Variants in PDE10A observed in about 807,000 individuals in gnomAD.
PDE10A encodes the protein phosphodiesterase 10A.
A neutral mutation model predicts 97.7 loss-of-function variants in PDE10A; 39 were observed. That is an observed-to-expected ratio of 0.40 (90% CI 0.31 to 0.52). The LOEUF (loss-of-function observed/expected upper bound fraction) is 0.52. Among genes scored for constraint, PDE10A ranks in the 20% least tolerant of loss-of-function variants. The probability of loss-of-function intolerance (pLI) is 0.56; values close to 1 mark genes in which losing one functional copy is unlikely to be tolerated. For missense variants in PDE10A, 731 were observed against 1,047.8 expected (o/e 0.70, Z 4.17); for synonymous variants, 371 against 376.8 (o/e 0.98, Z 0.18).
intron 1 of PDE10A, among the ~76,000 whole-genome samples, chr6:165,658,009 A>T (rs1034177919): frequency 6.6e-6 from 1 of 152,160 alleles, no homozygotes; most frequent in East Asian, 1.9e-4. Flanking sequence ...ATTTACACTC[A>T]GTAGATACTC....
chr6:165,416,532 T>C (rs1788327046), intron 11 of PDE10A, among the ~76,000 whole-genome samples: 2 of 152,274 alleles, frequency 1.3e-5, no homozygotes, highest in South Asian at 4.1e-4. Flanking sequence ...TCAACTAGTA[T>C]CCTCCTGCTC....
At position 165,737,570 on chromosome 6, in the gene PDE10A, C is replaced by T. The variant is rs1253454624; in HGVS notation, c.-614-194002G>A. Among the ~76,000 whole-genome samples, 7 of 152,216 alleles carry T rather than the reference C, an allele frequency of 4.6e-5. No individual in the cohort carries two copies. The South Asian group carries it at 1.0e-3, about 23-fold the overall frequency. On this transcript the variant is annotated intron_variant, in intron 1 of 19. Coordinates refer to the PDE10A transcript ENST00000366882. ...AAATATATGGTCATCTCAGTAGATG[C>T]AAAAAAGCATTTGACAAAATCCAAC... is the stretch of plus-strand genomic sequence containing the variant.
At chr6:165,552,699 T>C (rs941366996) in intron 1 of PDE10A, among the ~76,000 whole-genome samples, 2 of 152,170 alleles carry the variant, frequency 1.3e-5, no homozygotes, top group South Asian at 4.1e-4. Flanking sequence ...CCTTTGCGGA[T>C]TGTGCTTTGT....
chr6:165,567,959 C>G (rs1302176010), intron 1 of PDE10A, among the ~76,000 whole-genome samples: 2 of 149,532 alleles, frequency 1.3e-5, no homozygotes, highest in Non-Finnish European at 3.0e-5. Context: ...TGCCCTAAGC[C>G]AAGTGCCCAG....
intron 1 of PDE10A, among the ~76,000 whole-genome samples, chr6:165,907,665 A>G (rs1022515924): frequency 6.6e-6 from 1 of 152,170 alleles, no homozygotes; most frequent in Non-Finnish European, 1.5e-5. Flanking sequence ...AAATCCAGCA[A>G]GAAGGAGGAA....
At chr6:165,729,736 T>G (rs1274020107) in intron 1 of PDE10A, among the ~76,000 whole-genome samples, 1 of 152,242 alleles carries the variant, frequency 6.6e-6, no homozygotes, top group African/African-American at 2.4e-5. Context: ...AAAGTCCTTG[T>G]ATCTATTTGC....
intron 1 of PDE10A, among the ~76,000 whole-genome samples, chr6:165,606,056 G>A (rs1017982637): frequency 6.7e-6 from 1 of 149,346 alleles, no homozygotes; most frequent in Non-Finnish European, 1.5e-5. Context: ...GCGTGGGGAT[G>A]TTTGTTGAGT....
chr6:165,705,886 A>G (rs1791696995), intron 1 of PDE10A, among the ~76,000 whole-genome samples: 1 of 152,236 alleles, frequency 6.6e-6, no homozygotes, highest in African/African-American at 2.4e-5. Flanking sequence ...TAATAATAGC[A>G]GAAGTGTAAG....
intron 1 of PDE10A, among the ~76,000 whole-genome samples, chr6:165,848,502 T>A (rs1012376243): frequency 2.0e-5 from 3 of 152,212 alleles, no homozygotes; most frequent in African/African-American, 7.2e-5. Flanking sequence ...AAATTCCATA[T>A]GCTATTAATT....
chr6:165,606,900 G>A (rs1242981038), intron 1 of PDE10A, among the ~76,000 whole-genome samples: 1 of 152,056 alleles, frequency 6.6e-6, no homozygotes, highest in Non-Finnish European at 1.5e-5. Context: ...AGAGGGGTGG[G>A]AGCCCAGATG....
intron 1 of PDE10A, among the ~76,000 whole-genome samples, chr6:165,565,777 A>T (rs1784748921): frequency 6.6e-6 from 1 of 152,218 alleles, no homozygotes; most frequent in Non-Finnish European, 1.5e-5. Context: ...AACAGACCCA[A>T]ATAAATATAT....
At chr6:165,541,463 A>G (rs1218897714) in intron 2 of PDE10A, among the ~76,000 whole-genome samples, 2 of 152,200 alleles carry the variant, frequency 1.3e-5, no homozygotes, top group Admixed American at 1.3e-4. Flanking sequence ...GGAGGTAGGA[A>G]ATGACACACT....
rs1791059751 is a variant in PDE10A, at chr6:165,448,834, C to T, written c.1194+94G>A. The T allele has an allele frequency of 7.9e-6, 6 of 762,926 alleles. No individual in the cohort carries two copies. The Admixed American group carries it at 9.2e-5, about 12-fold the overall frequency. The allele number at this position is 762,926 out of a possible 1,614,324, so 47.3% of individuals were successfully genotyped here. A position where few individuals can be genotyped will look rare whatever the true frequency, so the allele number is the denominator to read the frequency against. On this transcript the variant is annotated intron_variant, in intron 5 of 21. Transcript: ENST00000539869. ...CACAAAATGATTTAAATGAAAAGTACTTAATCATGAAATGTCGGTTGTTTA... is the reference window on the plus strand; with the variant it reads ...CACAAAATGATTTAAATGAAAAGTATTTAATCATGAAATGTCGGTTGTTTA...
At chr6:165,506,783 T>C (rs1781217140) in intron 2 of PDE10A, among the ~76,000 whole-genome samples, 1 of 152,182 alleles carries the variant, frequency 6.6e-6, no homozygotes, top group South Asian at 2.1e-4. Flanking sequence ...GTATTTTTAC[T>C]GGCACCAGCT....
At chr6:165,461,935 A>G (rs1778351492) in intron 3 of PDE10A, among the ~76,000 whole-genome samples, 1 of 152,242 alleles carries the variant, frequency 6.6e-6, no homozygotes, top group South Asian at 2.1e-4. Context: ...TTCTTTAGCA[A>G]ATGGATGTCA....
chr6:165,832,564 C>G (rs10452578), intron 1 of PDE10A, among the ~76,000 whole-genome samples: 4,119 of 152,238 alleles, frequency 0.027, 188 homozygotes, highest in African/African-American at 0.093. Flanking sequence ...CTCAGCCAAC[C>G]CCAGGAACCC....
intron 1 of PDE10A, among the ~76,000 whole-genome samples, chr6:165,856,075 G>A (rs757027570): frequency 2.0e-5 from 3 of 152,150 alleles, no homozygotes; most frequent in African/African-American, 2.4e-5. Context: ...CTGGGGCATC[G>A]AGGAGTCCCT....
At position 165,819,251 on chromosome 6, in the gene PDE10A, T is replaced by G. The variant is rs1207307388; in HGVS notation, c.-615+168278A>C. On this transcript the variant is annotated intron_variant, in intron 1 of 19. Transcript: ENST00000366882. This position sits in a 1 kb window ranked among gnomAD's most constrained non-coding sequence, Gnocchi z 4.2. ...AGTCAGCACACGTTGGGATGATTTT[T>G]GACTCCTGCCCTCTCCGTCCACACG... Among the ~76,000 whole-genome samples the G allele has an allele frequency of 6.6e-6, 1 of 152,212 alleles. No homozygotes were observed. The highest frequency in any genetic ancestry group is 1.5e-5 in the Non-Finnish European group (1 of 68,036).
chr6:165,922,471 C>A (rs147976125), intron 1 of PDE10A, among the ~76,000 whole-genome samples: 1 of 152,064 alleles, frequency 6.6e-6, no homozygotes, highest in Non-Finnish European at 1.5e-5. Flanking sequence ...AGTTAAGAAG[C>A]GAAACAGTAA....
Sources: allele counts gnomAD v4.1 joint callset (sites outside exome capture counted in the v4.1 genomes callset), GRCh38; gene constraint gnomAD v4.1.1; non-coding constraint Gnocchi (gnomAD v3.1); transcripts MANE v1.5; gene names NCBI Gene and HGNC (gene_info 2026-07-23, HGNC 2026-07-21).